Variants in PRR5L observed in about 807,000 individuals in gnomAD.
PRR5L encodes the protein proline rich 5 like.
PRR5L carries 21 observed loss-of-function variants against 36.4 expected under a neutral mutation model. The ratio of observed to expected loss-of-function variants is 0.58; its 90% CI spans 0.41 to 0.83. The LOEUF (loss-of-function observed/expected upper bound fraction) is 0.83. PRR5L is among the 40% of genes least tolerant of loss of function. PRR5L has a pLI of 0.00. For synonymous variants in PRR5L, 188 were observed against 197.0 expected (o/e 0.95, Z 0.38); for missense variants, 381 against 473.3 (o/e 0.80, Z 1.81).
chr11:36,434,176 G>A (rs1236458338), intron 5 of PRR5L, among the ~76,000 whole-genome samples: 1 of 152,152 alleles, frequency 6.6e-6, no homozygotes, highest in Non-Finnish European at 1.5e-5. Context: ...CATGGCCTGA[G>A]AGCACCAGGC....
chr11:36,445,916 G>T (rs545745745), intron 6 of PRR5L, among the ~76,000 whole-genome samples: 2 of 152,102 alleles, frequency 1.3e-5, no homozygotes, highest in Non-Finnish European at 2.9e-5. Context: ...TTGTATGATA[G>T]ATGTTCAGAT....
chr11:36,297,060 CAT>C (rs1333026342), intron 1 of PRR5L, among the ~76,000 whole-genome samples: 1 of 152,214 alleles, frequency 6.6e-6, no homozygotes, highest in African/African-American at 2.4e-5. Context: ...GCAGCTATTT[CAT>C]CAGATAGATA....
chr11:36,411,675 G>A (rs1024517155), intron 3 of PRR5L, among the ~76,000 whole-genome samples: 1 of 152,168 alleles, frequency 6.6e-6, no homozygotes, highest in Non-Finnish European at 1.5e-5. Context: ...GAAACAGATG[G>A]CATATGGGGG....
intron 1 of PRR5L, among the ~76,000 whole-genome samples, chr11:36,307,024 G>A (rs1310508530): frequency 6.6e-6 from 1 of 152,182 alleles, no homozygotes; most frequent in Non-Finnish European, 1.5e-5. Context: ...AAGGACAGGA[G>A]CCCTTCCCAT....
At chr11:36,343,123 T>A (rs1856832556) in intron 1 of PRR5L, among the ~76,000 whole-genome samples, 1 of 152,226 alleles carries the variant, frequency 6.6e-6, no homozygotes, top group African/African-American at 2.4e-5. Context: ...GACCCCAGAA[T>A]GATTCCTTCA....
intron 5 of PRR5L, among the ~76,000 whole-genome samples, chr11:36,435,273 T>C (rs1204243091): frequency 6.6e-6 from 1 of 152,120 alleles, no homozygotes; most frequent in Non-Finnish European, 1.5e-5. Flanking sequence ...AATGTTTATT[T>C]GATTATCTAC....
chr11:36,408,315 C>T (rs1191942865), intron 3 of PRR5L, among the ~76,000 whole-genome samples: 2 of 151,906 alleles, frequency 1.3e-5, no homozygotes, highest in Non-Finnish European at 2.9e-5. Context: ...AACGTCTCAC[C>T]TCAATATAGC....
intron 1 of PRR5L, among the ~76,000 whole-genome samples, chr11:36,371,415 T>C (rs2133512230): frequency 6.6e-6 from 1 of 152,342 alleles, no homozygotes; most frequent in South Asian, 2.1e-4. Context: ...AAGTTTTATA[T>C]CTAGATTGGT....
At chr11:36,351,202 TAATATAAA>T (rs1385152203) in intron 1 of PRR5L, among the ~76,000 whole-genome samples, 1 of 90,194 alleles carries the variant, frequency 1.1e-5, no homozygotes, top group African/African-American at 4.7e-5. Context: ...AATATATTAA[TAATATAAA>T]TATATAAATA....
chr11:36,347,119 C>G (rs926141887), intron 1 of PRR5L, among the ~76,000 whole-genome samples: 1 of 152,132 alleles, frequency 6.6e-6, no homozygotes, highest in Non-Finnish European at 1.5e-5. Flanking sequence ...ACTATTAATA[C>G]TGGTTACCTT....
intron 1 of PRR5L, among the ~76,000 whole-genome samples, chr11:36,374,178 C>G (rs1267212443): frequency 1.3e-5 from 2 of 151,542 alleles, no homozygotes; most frequent in East Asian, 3.9e-4. Context: ...TCACTATATC[C>G]TCCACCTCCC....
chr11:36,391,994 C>T (rs1590524902), intron 1 of PRR5L, among the ~76,000 whole-genome samples: 1 of 152,206 alleles, frequency 6.6e-6, no homozygotes. Flanking sequence ...TCTCTAGTAA[C>T]CATCATTTTC....
intron 1 of PRR5L, among the ~76,000 whole-genome samples, chr11:36,343,711 G>T (rs1246840394): frequency 6.6e-6 from 1 of 152,106 alleles, no homozygotes; most frequent in East Asian, 1.9e-4. Context: ...AAGAAACTAA[G>T]TATACGTACA....
At chr11:36,315,861 C>T (rs1424046710) in intron 1 of PRR5L, among the ~76,000 whole-genome samples, 2 of 152,158 alleles carry the variant, frequency 1.3e-5, no homozygotes, top group African/African-American at 4.8e-5. Flanking sequence ...TAGGTGCCTT[C>T]CCTGAAACAA....
At position 36,455,037 on chromosome 11, in the gene PRR5L, G is replaced by A. The variant is rs1036767405; in HGVS notation, c.712+3702G>A. Among the ~76,000 whole-genome samples, 6 of 152,126 alleles carry A rather than the reference G, an allele frequency of 3.9e-5. No individual in the cohort carries two copies. In the South Asian group the frequency reaches 6.2e-4, roughly 16 times the overall value. The stretch of plus-strand genomic sequence containing the variant: ...TCCCTGATGTTTGCAGGGCCCTCCC[G>A]AGCACACACTCAGCAGCACGCTCGA... On this transcript the variant is annotated intron_variant, in intron 8 of 8. Coordinates refer to ENST00000530639, the MANE Select transcript of PRR5L (RefSeq NM_001160167.2).
At chr11:36,305,161 G>A (rs993330005) in intron 1 of PRR5L, among the ~76,000 whole-genome samples, 3 of 152,126 alleles carry the variant, frequency 2.0e-5, no homozygotes, top group African/African-American at 7.2e-5. Flanking sequence ...AATAAAATTT[G>A]GCATATTCAC....
chr11:36,462,970 C>G lies in PRR5L; in HGVS notation c.*234C>G, dbSNP rs1243615008. On this transcript the variant is annotated 3_prime_UTR_variant, in exon 9 of 9. Transcript: ENST00000530639. ...TTGTAGTGACCAGTTGCCTAATGGT[C>G]ACTTTCTGACTCCAGCCTTGCCAGC... 4.7e-6 allele frequency: 2 copies of G among 422,318 alleles called. No homozygotes were observed. The highest frequency in any genetic ancestry group is 8.1e-5 in the Admixed American group (2 of 24,742). The allele number at this position is 422,318 out of a possible 1,614,324, so 26.2% of individuals were successfully genotyped here. A position where few individuals can be genotyped will look rare whatever the true frequency, so the allele number is the denominator to read the frequency against.
Position 36,412,691 on chromosome 11 carries a change from G to T in PRR5L, c.246-6564G>T, listed in dbSNP as rs1391057946. Among the ~76,000 whole-genome samples the T allele has an allele frequency of 5.8e-3, 888 of 152,260 alleles. 7 individuals are homozygous for T. The highest frequency in any genetic ancestry group is 0.02 in the African/African-American group (842 of 41,530). On this transcript the variant is annotated intron_variant, in intron 3 of 8. Coordinates refer to ENST00000530639, the MANE Select transcript of PRR5L (RefSeq NM_001160167.2). ...GTAAAAGTAAGTCAGGCTACAGGGT[G>T]AATTGTCCCATTGTGATTTTGGCCT...
chr11:36,301,672 G>A (rs369482404), intron 1 of PRR5L, among the ~76,000 whole-genome samples: 100 of 152,298 alleles, frequency 6.6e-4, no homozygotes, highest in African/African-American at 2.4e-3. Context: ...CGTGCTGGGA[G>A]AGGAGAGCAG....
Sources: gnomAD v4.1 joint callset for allele counts (sites outside exome capture counted in the v4.1 genomes callset) on GRCh38, gnomAD v4.1.1 for gene constraint, MANE v1.5 for transcripts, NCBI Gene and HGNC (gene_info 2026-07-23, HGNC 2026-07-21) for gene names.